Variants in KCTD1 observed in about 807,000 individuals in gnomAD.
KCTD1 encodes BTB/POZ domain-containing protein KCTD1.
KCTD1 carries 24 observed loss-of-function variants against 66.0 expected under a neutral mutation model. That is an observed-to-expected ratio of 0.36 (90% confidence interval 0.26 to 0.51). The LOEUF (loss-of-function observed/expected upper bound fraction) is 0.51. Among genes scored for constraint, KCTD1 ranks in the 20% least tolerant of loss-of-function variants. The pLI is 0.95. For synonymous variants in KCTD1, 511 were observed against 517.2 expected (o/e 0.99, Z 0.16); for missense variants, 943 against 1,205.2 (o/e 0.78, Z 3.22).
At chr18:26,588,833 A>G (rs1272256277) in intron 1 of KCTD1, among the ~76,000 whole-genome samples, 1 of 147,864 alleles carries the variant, frequency 6.8e-6, no homozygotes, top group East Asian at 2.0e-4. Context: ...ACTTTCCACA[A>G]GGAGCAGAAC....
chr18:26,561,244 C>A (rs1985841288), intron 1 of KCTD1, among the ~76,000 whole-genome samples: 1 of 152,036 alleles, frequency 6.6e-6, no homozygotes, highest in Admixed American at 6.6e-5. Flanking sequence ...AAAGAAAACA[C>A]ATAAAATCAT....
intron 1 of KCTD1, among the ~76,000 whole-genome samples, chr18:26,513,315 C>T (rs891074892): frequency 7.2e-5 from 11 of 152,116 alleles, no homozygotes; most frequent in African/African-American, 2.7e-4. Flanking sequence ...TCTCCATCTC[C>T]TGACCTCGTG....
chr18:26,550,129 G>C (rs1479707600), upstream of KCTD1, among the ~76,000 whole-genome samples: 55 of 152,094 alleles, frequency 3.6e-4, no homozygotes. The surrounding 1 kb of genome is among the most constrained non-coding windows in gnomAD (Gnocchi z 5.4). Context: ...GTCCCCAGCA[G>C]TGCGCCCCGG....
intron 2 of KCTD1, among the ~76,000 whole-genome samples, chr18:26,477,537 CATATCAGAG>C (rs1981412131): frequency 6.6e-6 from 1 of 152,142 alleles, no homozygotes; most frequent in African/African-American, 2.4e-5. Flanking sequence ...GCAAGCATTC[CATATCAGAG>C]AAGAGAAATC....
intron 1 of KCTD1, among the ~76,000 whole-genome samples, chr18:26,600,494 G>A (rs12962221): frequency 2.0e-5 from 3 of 152,074 alleles, no homozygotes; most frequent in Non-Finnish European, 4.4e-5. Context: ...GCTGGCTGGG[G>A]GGGGTGCAGT....
chr18:26,468,806 C>T lies in KCTD1; in HGVS notation c.2133+7709G>A, dbSNP rs1030615936. ...AGGTTGCAGTGAGCCGAGATCGTGC[C>T]GCTGCACTCCAGCCTGGGCGACAGA... On this transcript the variant is annotated intron_variant, in intron 3 of 4. Coordinates refer to ENST00000580059, the MANE Select transcript of KCTD1 (RefSeq NM_001142730.3). This position sits in a 1 kb window ranked among gnomAD's most constrained non-coding sequence, Gnocchi z 4.8. Among the ~76,000 whole-genome samples the T allele has an allele frequency of 6.6e-6, 1 of 152,274 alleles. No homozygotes were observed. Among genetic ancestry groups the T allele is most frequent in the African/African-American group, 2.4e-5 (1 of 41,544 alleles).
chr18:26,582,402 T>C (rs780652494), intron 1 of KCTD1, among the ~76,000 whole-genome samples: 5 of 152,232 alleles, frequency 3.3e-5, no homozygotes, highest in Admixed American at 1.3e-4. Context: ...AAATGAGTTA[T>C]TGTTTTTCCA....
At chr18:26,651,546 G>A (rs1988033668) in intron 1 of KCTD1, among the ~76,000 whole-genome samples, 1 of 152,106 alleles carries the variant, frequency 6.6e-6, no homozygotes, top group African/African-American at 2.4e-5. Flanking sequence ...CACTTTGGGA[G>A]GCCGAGGTGG....
At position 26,655,645 on chromosome 18, in the gene KCTD1, C is replaced by CGG. The variant is rs1252334776; in HGVS notation, c.9+1714_9+1715insCC. ...TCTCCACGTACAAAGCCAACGGCCC[C>CGG]ATTTGCGACTTTGCTAACTTAGTTG... is the stretch of plus-strand genomic sequence containing the variant. On this transcript the variant is annotated intron_variant, in intron 1 of 4. Transcript: ENST00000580191. 4 of 152,258 alleles carry CGG rather than the reference C, an allele frequency of 2.6e-5. No individual in the cohort carries two copies. In the East Asian group the frequency reaches 7.7e-4, roughly 29 times the overall value. 9.4% of individuals were successfully genotyped at this position (152,258 alleles called of 1,614,324 possible).
chr18:26,503,234 T>C (rs971006261), intron 1 of KCTD1, among the ~76,000 whole-genome samples: 1 of 151,712 alleles, frequency 6.6e-6, no homozygotes, highest in Non-Finnish European at 1.5e-5. Flanking sequence ...CAATGCAAAA[T>C]AGATATTGAA....
intron 1 of KCTD1, among the ~76,000 whole-genome samples, chr18:26,639,029 C>G (rs922707955): frequency 2.0e-5 from 3 of 152,114 alleles, no homozygotes; most frequent in Non-Finnish European, 4.4e-5. Flanking sequence ...GCGGCCCAGC[C>G]TGGAGACTTA....
intron 1 of KCTD1, among the ~76,000 whole-genome samples, chr18:26,527,218 AG>A (rs1313655148): frequency 6.6e-6 from 1 of 152,072 alleles, no homozygotes; most frequent in Non-Finnish European, 1.5e-5. Flanking sequence ...CTGCCAGAGG[AG>A]GGAAAAAAGC....
chr18:26,511,393 TC>T (rs1445462033), intron 1 of KCTD1, among the ~76,000 whole-genome samples: 1 of 152,206 alleles, frequency 6.6e-6, no homozygotes, highest in African/African-American at 2.4e-5. Context: ...ATCTGCCCCC[TC>T]TTCCAGATCC....
intron 1 of KCTD1, among the ~76,000 whole-genome samples, chr18:26,590,838 A>G (rs1211726907): frequency 6.6e-6 from 1 of 152,296 alleles, no homozygotes; most frequent in South Asian, 2.1e-4. Flanking sequence ...TAGGTCCTAC[A>G]TGGTATCTCT....
intron 1 of KCTD1, among the ~76,000 whole-genome samples, chr18:26,593,405 TGAGGAG>T (rs77415589): frequency 2.5e-5 from 2 of 81,576 alleles, no homozygotes; most frequent in South Asian, 4.6e-4. Flanking sequence ...AGGAGGAAGA[TGAGGAG>T]GAGAAGGAAG....
At chr18:26,486,031 A>G (rs1981900738) in intron 2 of KCTD1, among the ~76,000 whole-genome samples, 1 of 146,776 alleles carries the variant, frequency 6.8e-6, no homozygotes, top group Admixed American at 7.1e-5. Flanking sequence ...TTCCTGCCTC[A>G]GCCTTCTGAG....
chr18:26,473,991 A>C (rs1035315756), intron 3 of KCTD1, among the ~76,000 whole-genome samples: 1 of 152,198 alleles, frequency 6.6e-6, no homozygotes, highest in Non-Finnish European at 1.5e-5. Context: ...CAAAATCCTG[A>C]AGGAGAAGAT....
chr18:26,533,138 G>A (rs1302303184), intron 1 of KCTD1, among the ~76,000 whole-genome samples: 2 of 152,212 alleles, frequency 1.3e-5, no homozygotes, highest in African/African-American at 2.4e-5. Flanking sequence ...ACAGATGTTA[G>A]TTATTGGGTT....
chr18:26,538,103 C>T (rs959430768), intron 1 of KCTD1, among the ~76,000 whole-genome samples: 6 of 152,112 alleles, frequency 3.9e-5, no homozygotes, highest in African/African-American at 1.4e-4. Context: ...AAAAATTAGC[C>T]GGGCATGGTG....
Sources: allele counts gnomAD v4.1 joint callset (sites outside exome capture counted in the v4.1 genomes callset), GRCh38; gene constraint gnomAD v4.1.1; non-coding constraint Gnocchi (gnomAD v3.1); transcripts MANE v1.5; gene names NCBI Gene and HGNC (gene_info 2026-07-23, HGNC 2026-07-21).